ACIN1: variants seen among roughly 807,000 people sequenced by gnomAD.
ACIN1 encodes apoptotic chromatin condensation inducer in the nucleus.
A neutral mutation model predicts 146.6 loss-of-function variants in ACIN1; 16 were observed. The observed-to-expected ratio is 0.11, with a 90% confidence interval of 0.07 to 0.17. The LOEUF is 0.17. ACIN1 is among the 10% of genes least tolerant of loss of function. The pLI, the probability that ACIN1 is intolerant of heterozygous loss-of-function variation, is 1.00. For missense variants in ACIN1, 1,357 were observed against 1,609.3 expected (o/e 0.84, Z 2.68); for synonymous variants, 569 against 582.7 (o/e 0.98, Z 0.34).
intron 8 of ACIN1, 168 bp downstream of exon 8, chr14:23,077,983 G>T: frequency 3.5e-6 from 2 of 566,828 alleles, no homozygotes; most frequent in Non-Finnish European, 6.0e-6. Context: ...TACCTTAAAG[G>T]TGGCAGCTCC....
intron 8 of ACIN1, among the ~76,000 whole-genome samples, chr14:23,074,782 CTAA>C (rs1594765338): frequency 6.6e-6 from 1 of 152,050 alleles, no homozygotes; most frequent in Admixed American, 6.5e-5. Flanking sequence ...TACTTGGAGG[CTAA>C]TAATATCACA....
At position 23,068,170 on chromosome 14, in the gene ACIN1, G is replaced by A. The variant is rs979273340; in HGVS notation, c.2265+1306C>T. Reference sequence around the variant, plus strand: ...GCTCAGACCCTAGACTCCTCTGCACGGTTCCTAGTCGTCACAGCTTAAGTA... The same window carrying A: ...GCTCAGACCCTAGACTCCTCTGCACAGTTCCTAGTCGTCACAGCTTAAGTA... On this transcript the variant is annotated intron_variant, in intron 9 of 18. Coordinates refer to ENST00000605057, the MANE Select transcript of ACIN1 (RefSeq NM_001386863.1). The surrounding 1 kb of genome is among the most constrained non-coding windows in gnomAD (Gnocchi z 4.3). 5.1e-6 allele frequency: 5 copies of A among 985,776 alleles called. No homozygotes were observed. Among genetic ancestry groups the A allele is most frequent in the Admixed American group, 6.1e-5 (1 of 16,264 alleles). 61.1% of individuals were successfully genotyped at this position (985,776 alleles called of 1,614,324 possible). A position where few individuals can be genotyped will look rare whatever the true frequency, so the allele number is the denominator to read the frequency against.
intron 8 of ACIN1, among the ~76,000 whole-genome samples, chr14:23,074,642 A>C (rs2047753335): frequency 6.6e-6 from 1 of 152,312 alleles, no homozygotes. Context: ...GACTAGTACC[A>C]AAACCTTGTT....
rs1278404792 is a variant in ACIN1 at position 23,078,214 on chromosome 14, T to G, written c.2060A>C (p.Gln687Pro). The change falls in exon 8 of 19, where the codon CAG becomes CCG. Residue 687 changes from glutamine (Q) to proline (P), a missense_variant. Physicochemically the swap from Gln to Pro is moderately conservative, Grantham distance 76 (BLOSUM62 -1). Coordinates refer to ENST00000605057, the MANE Select transcript of ACIN1 (RefSeq NM_001386863.1). Reference sequence around the variant, plus strand: ...GGTCTGAGTCTCTGAGGTTTGGGGCTGTGTGGCAGCTGGTGGCTCTGCCTC... The same window carrying G: ...GGTCTGAGTCTCTGAGGTTTGGGGCGGTGTGGCAGCTGGTGGCTCTGCCTC... ...AEEAEPPAATQPQTSETQTSH... is the reference protein window; with the variant it reads ...AEEAEPPAATPPQTSETQTSH... 2 of 1,614,240 alleles carry G rather than the reference T, an allele frequency of 1.2e-6. No homozygotes were observed. The highest frequency in any genetic ancestry group is 1.1e-5 in the South Asian group (1 of 91,088).
chr14:23,091,180 C>T (rs2048217375), intron 2 of ACIN1, among the ~76,000 whole-genome samples: 1 of 152,128 alleles, frequency 6.6e-6, no homozygotes, highest in South Asian at 2.1e-4. Flanking sequence ...GCTGGGATTA[C>T]AAGTGTGAGC....
rs575781862 is a variant in ACIN1 at position 23,058,950 on chromosome 14, G to A, written c.*198C>T. 7.7e-5 allele frequency: 44 copies of A among 573,876 alleles called. No homozygotes were observed. The Middle Eastern group carries it at 1.4e-3, about 18-fold the overall frequency. 35.5% of individuals were successfully genotyped at this position (573,876 alleles called of 1,614,324 possible). On this transcript the variant is annotated 3_prime_UTR_variant, in exon 19 of 19. Coordinates refer to ENST00000605057, the MANE Select transcript of ACIN1 (RefSeq NM_001386863.1). The stretch of plus-strand genomic sequence containing the variant: ...TTAATGGGAAATGAGAGGGAGGGTC[G>A]GGCTAAGTCCCAAGAGATAGGTTAA...
At position 23,068,857 on chromosome 14, in the gene ACIN1, A is replaced by G. The variant is rs1330768087; in HGVS notation, c.2265+619T>C. ...TCTTTCTCAATTACTTTAAGAGCCAAGAAGACTTCGCTGGCTCTGATGGGG... is the reference window on the plus strand; with the variant it reads ...TCTTTCTCAATTACTTTAAGAGCCAGGAAGACTTCGCTGGCTCTGATGGGG... On this transcript the variant is annotated intron_variant, in intron 9 of 18. Transcript: ENST00000605057. The surrounding 1 kb of genome is among the most constrained non-coding windows in gnomAD (Gnocchi z 4.3). The G allele has an allele frequency of 7.1e-6, 7 of 985,460 alleles. No individual in the cohort carries two copies. In the East Asian group the frequency reaches 4.5e-4, roughly 64 times the overall value. The allele number at this position is 985,460 out of a possible 1,614,324, so 61.0% of individuals were successfully genotyped here. A position where few individuals can be genotyped will look rare whatever the true frequency, so the allele number is the denominator to read the frequency against.
chr14:23,068,347 C>G lies in ACIN1; in HGVS notation c.2265+1129G>C. The G allele has an allele frequency of 1.0e-6, 1 of 985,962 alleles. No homozygotes were observed. The highest frequency in any genetic ancestry group is 1.2e-6 in the Non-Finnish European group (1 of 829,998). 61.1% of individuals were successfully genotyped at this position (985,962 alleles called of 1,614,324 possible). ...GGGCATGTGGGCAGGCGCCCCAGCA[C>G]TGGCACAAGCTCTTCTTGGGGTGTC... On this transcript the variant is annotated intron_variant, in intron 9 of 18. Transcript: ENST00000605057. This position sits in a 1 kb window ranked among gnomAD's most constrained non-coding sequence, Gnocchi z 4.3.
intron 4 of ACIN1, 143 bp downstream of exon 4, chr14:23,089,839 A>G: frequency 1.7e-6 from 2 of 1,195,826 alleles, no homozygotes; most frequent in Non-Finnish European, 2.2e-6. Context: ...TATACTTTCC[A>G]TGAGAAACAG....
chr14:23,070,462 C>T (rs774272769), intron 8 of ACIN1, among the ~76,000 whole-genome samples: 2 of 152,102 alleles, frequency 1.3e-5, no homozygotes, highest in Non-Finnish European at 2.9e-5. Context: ...AGGACACACC[C>T]TCCCCCACAC....
intron 8 of ACIN1, chr14:23,071,396 G>A (rs1273582873): frequency 6.4e-7 from 1 of 1,551,134 alleles, no homozygotes; most frequent in Non-Finnish European, 8.7e-7. Context: ...AAACAGATCT[G>A]GCTTTTAAGA....
intron 2 of ACIN1, among the ~76,000 whole-genome samples, chr14:23,093,187 T>C (rs1263835668): frequency 4.6e-5 from 7 of 152,226 alleles, no homozygotes; most frequent in African/African-American, 1.7e-4. Flanking sequence ...TCATGGCAGA[T>C]AAATGACTTC....
rs754494408 is a variant in ACIN1, at chr14:23,061,417, C to T, written c.3305G>A (p.Arg1102Gln). The T allele has an allele frequency of 6.2e-6, 10 of 1,613,888 alleles. No individual in the cohort carries two copies. Among genetic ancestry groups the T allele is most frequent in the Admixed American group, 5.0e-5 (3 of 59,994 alleles). Residue 1102 changes from arginine (R) to glutamine (Q), a missense_variant, in exon 17 of 19, where the codon CGA (arginine) becomes CAA (glutamine). Arg to Gln is a conservative substitution (Grantham distance 43). Coordinates refer to ENST00000605057, the MANE Select transcript of ACIN1 (RefSeq NM_001386863.1). ...GTCCCGATCCCATTCACGCTCTGAT[C>T]GAGTCCGCTCCCGCCGCTCCATTTC... ...EREMERRERT[R>Q]SEREWDRDKV...
chr14:23,074,299 CTCACGCCTGTAATACCAACA>C (rs978085343), intron 8 of ACIN1, among the ~76,000 whole-genome samples: 1 of 151,878 alleles, frequency 6.6e-6, no homozygotes, highest in African/African-American at 2.4e-5. Context: ...GGCATGGTGG[CTCACGCCTGTAATACCAACA>C]CTTTGGGAGG....
intron 8 of ACIN1, 41 bp downstream of exon 8, chr14:23,078,110 C>T: frequency 6.3e-7 from 1 of 1,577,882 alleles, no homozygotes. Flanking sequence ...ATCGCACACT[C>T]ATAGTTCCCT....
intron 9 of ACIN1, chr14:23,069,079 A>C: frequency 1.0e-6 from 1 of 991,060 alleles, no homozygotes; most frequent in Non-Finnish European, 1.2e-6. Context: ...GAGAACCACC[A>C]ATGTCCACTA....
chr14:23,093,720 A>T lies in ACIN1; in HGVS notation c.139-176T>A, dbSNP rs2140253936. On this transcript the variant is annotated intron_variant, in intron 1 of 18. Coordinates refer to ENST00000605057, the MANE Select transcript of ACIN1 (RefSeq NM_001386863.1). ...TAACACTGTTCTCATTCATCTTCAGAAGACCCATAAAGGTAGCCATGGTTA... is the reference window on the plus strand; with the variant it reads ...TAACACTGTTCTCATTCATCTTCAGTAGACCCATAAAGGTAGCCATGGTTA... Among the ~76,000 whole-genome samples the T allele has an allele frequency of 2.0e-5, 3 of 152,360 alleles. No homozygotes were observed. The East Asian group carries it at 5.8e-4, about 29-fold the overall frequency.
Position 23,062,935 on chromosome 14 carries a change from G to A in ACIN1, c.2877C>T (p.Ser959=), listed in dbSNP as rs2047334325. Reference sequence around the variant, plus strand: ...GTGAGAAACAATGACTTACCAAATTGGAGATATGGACAATGTTGCTAATCT... The same window carrying A: ...GTGAGAAACAATGACTTACCAAATTAGAGATATGGACAATGTTGCTAATCT... ...RGKISNIVHI[S]NLVRPFTLGQ... Residue 959 remains serine, a synonymous_variant, in exon 14 of 19, where the codon TCC becomes TCT. Transcript: ENST00000605057. 6.2e-7 allele frequency: 1 copy of A among 1,604,362 alleles called. No individual in the cohort carries two copies. The highest frequency in any genetic ancestry group is 1.3e-5 in the African/African-American group (1 of 74,474).
intron 12 of ACIN1, among the ~76,000 whole-genome samples, 195 bp from the exon 13 acceptor site, chr14:23,063,772 A>G (rs1459700415): frequency 6.6e-6 from 1 of 152,228 alleles, no homozygotes; most frequent in African/African-American, 2.4e-5. Flanking sequence ...AAACTAAGAC[A>G]GGAGTTAGTA....
Sources: allele counts gnomAD v4.1 joint callset (sites outside exome capture counted in the v4.1 genomes callset), GRCh38; gene constraint gnomAD v4.1.1; non-coding constraint Gnocchi (gnomAD v3.1); transcripts MANE v1.5; gene names NCBI Gene and HGNC (gene_info 2026-07-23, HGNC 2026-07-21).